The following ASIC2 variants were observed in gnomAD, a reference collection of about 807,000 sequenced individuals.
The protein encoded by ASIC2 is acid sensing ion channel subunit 2.
In ASIC2, 25 loss-of-function variants were observed where a neutral mutation model predicts 57.3. The observed-to-expected ratio is 0.44, with a 90% CI of 0.32 to 0.61. The LOEUF (loss-of-function observed/expected upper bound fraction) is 0.61. Among genes scored for constraint, ASIC2 ranks in the 20% least tolerant of loss-of-function variants. ASIC2 has a pLI of 0.06. For synonymous variants in ASIC2, 319 were observed against 307.5 expected (o/e 1.04, Z -0.39); for missense variants, 641 against 738.1 (o/e 0.87, Z 1.52).
intron 1 of ASIC2, among the ~76,000 whole-genome samples, chr17:33,777,423 G>T (rs1043591130): frequency 6.6e-6 from 1 of 152,200 alleles, no homozygotes; most frequent in African/African-American, 2.4e-5. Flanking sequence ...GTGTGAAGTT[G>T]CAGGGACTTC....
chr17:33,170,701 G>T lies in ASIC2; in HGVS notation c.709-58634C>A, dbSNP rs997966347. 8.5e-5 allele frequency among the ~76,000 whole-genome samples: 13 copies of T among 152,192 alleles called. No individual in the cohort carries two copies. The East Asian group carries it at 2.5e-3, about 29-fold the overall frequency. ...AGAAACCCAGCAGGACAGAGCATGA[G>T]AACTTCTTTCATCAAGGGCTTCAAA... On this transcript the variant is annotated intron_variant, in intron 1 of 9. Transcript: ENST00000225823.
At chr17:33,694,007 C>G (rs1908452705) in intron 1 of ASIC2, among the ~76,000 whole-genome samples, 3 of 152,168 alleles carry the variant, frequency 2.0e-5, no homozygotes. Flanking sequence ...TGTTTATTTC[C>G]TTTGACCATG....
chr17:33,877,568 C>T (rs1026789753), intron 1 of ASIC2, among the ~76,000 whole-genome samples: 3 of 152,184 alleles, frequency 2.0e-5, no homozygotes, highest in Non-Finnish European at 4.4e-5. Context: ...GGGAGGGGCA[C>T]CCGCCATTGC....
chr17:33,342,290 C>T (rs945179472), intron 1 of ASIC2, among the ~76,000 whole-genome samples: 16 of 151,546 alleles, frequency 1.1e-4, no homozygotes, highest in African/African-American at 3.7e-4. Flanking sequence ...TGCAAATTGG[C>T]TTTTTGTGGA....
intron 1 of ASIC2, among the ~76,000 whole-genome samples, chr17:33,760,411 G>A (rs999044619): frequency 1.3e-4 from 19 of 151,934 alleles, no homozygotes; most frequent in Middle Eastern, 3.2e-3. Flanking sequence ...ATGTTTTGCT[G>A]ACTTTCAGAC....
At chr17:33,907,534 T>C (rs1014233536) in intron 1 of ASIC2, among the ~76,000 whole-genome samples, 23 of 152,152 alleles carry the variant, frequency 1.5e-4, no homozygotes, top group African/African-American at 5.5e-4. Flanking sequence ...CCATTACTCA[T>C]TCTCCCTTTG....
chr17:33,292,554 G>C lies in ASIC2; in HGVS notation c.-439C>G, dbSNP rs1905537460. On this transcript the variant is annotated 5_prime_UTR_variant, in exon 1 of 10. Transcript: ENST00000225823. Reference sequence around the variant, plus strand: ...CCGCCTAACCCCAGCTTTTACGCTGGTCCTGGGAGAAGGGCCACTCGGCCA... The same window carrying C: ...CCGCCTAACCCCAGCTTTTACGCTGCTCCTGGGAGAAGGGCCACTCGGCCA... 3.3e-5 allele frequency: 33 copies of C among 985,814 alleles called. No individual in the cohort carries two copies. The highest frequency in any genetic ancestry group is 4.0e-5 in the Non-Finnish European group (33 of 830,292). The allele number at this position is 985,814 out of a possible 1,614,324, so 61.1% of individuals were successfully genotyped here. A position where few individuals can be genotyped will look rare whatever the true frequency, so the allele number is the denominator to read the frequency against.
chr17:33,172,959 G>T (rs1280563356), intron 1 of ASIC2, among the ~76,000 whole-genome samples: 1 of 147,850 alleles, frequency 6.8e-6, no homozygotes, highest in African/African-American at 2.4e-5. Context: ...GGCTGCTCCT[G>T]TGCCTGGCTG....
At chr17:33,615,684 C>A (rs564114095) in intron 1 of ASIC2, among the ~76,000 whole-genome samples, 3 of 152,276 alleles carry the variant, frequency 2.0e-5, no homozygotes, top group African/African-American at 7.2e-5. Context: ...CACCTATCAA[C>A]CCATCACCTA....
chr17:33,799,448 T>TC (rs1912054578), intron 1 of ASIC2, among the ~76,000 whole-genome samples: 1 of 95,316 alleles, frequency 1.0e-5, no homozygotes, highest in Admixed American at 9.8e-5. Flanking sequence ...CTTTCTTTCT[T>TC]TCTTTCTTTC....
chr17:33,587,904 C>T (rs116924647), intron 1 of ASIC2, among the ~76,000 whole-genome samples: 1,834 of 152,274 alleles, frequency 0.012, 62 homozygotes, highest in Admixed American at 0.078. Context: ...CCAGCCTTGA[C>T]CATGTAACAT....
At chr17:33,444,729 C>T (rs1911952494) in intron 1 of ASIC2, among the ~76,000 whole-genome samples, 1 of 152,120 alleles carries the variant, frequency 6.6e-6, no homozygotes, top group African/African-American at 2.4e-5. Flanking sequence ...ATACAGCCTT[C>T]ATGTCAGCCT....
intron 1 of ASIC2, among the ~76,000 whole-genome samples, chr17:33,285,376 A>G (rs1441416494): frequency 6.6e-6 from 1 of 152,246 alleles, no homozygotes; most frequent in Non-Finnish European, 1.5e-5. Context: ...TAGCACTTCA[A>G]TAACTTGTAC....
chr17:33,595,182 C>T (rs1904944594), intron 1 of ASIC2, among the ~76,000 whole-genome samples: 1 of 152,142 alleles, frequency 6.6e-6, no homozygotes, highest in Non-Finnish European at 1.5e-5. Flanking sequence ...GCCATGATGG[C>T]ACCATTGCCC....
At chr17:34,007,587 A>G (rs1197947852) in intron 1 of ASIC2, among the ~76,000 whole-genome samples, 1 of 152,160 alleles carries the variant, frequency 6.6e-6, no homozygotes. Context: ...AGGGCAAATG[A>G]CTTGCCTGAT....
rs187487673 is a variant in ASIC2, at chr17:33,726,129, G to A, written c.555+429849C>T. Among the ~76,000 whole-genome samples, 282 of 152,272 alleles carry A rather than the reference G, an allele frequency of 1.9e-3. 1 individual carries two copies. The highest frequency in any genetic ancestry group is 6.5e-3 in the African/African-American group (269 of 41,536). ...TCACGGCTTTCCATTTGAATTTTGT[G>A]CTCTTTGGGACCCTAGGCTACCATG... On this transcript the variant is annotated intron_variant, in intron 1 of 9. Coordinates refer to the ASIC2 transcript ENST00000359872.
chr17:34,046,572 A>G (rs1290442985), intron 1 of ASIC2, among the ~76,000 whole-genome samples: 1 of 152,154 alleles, frequency 6.6e-6, no homozygotes, highest in Non-Finnish European at 1.5e-5. Flanking sequence ...AGGAGGTAAG[A>G]TTTTTATCCA....
At chr17:33,797,265 C>T (rs1393350915) in intron 1 of ASIC2, among the ~76,000 whole-genome samples, 2 of 152,110 alleles carry the variant, frequency 1.3e-5, no homozygotes, top group Non-Finnish European at 2.9e-5. Flanking sequence ...TAGGAGTGGA[C>T]CCTCCAGGCA....
intron 1 of ASIC2, among the ~76,000 whole-genome samples, chr17:33,283,878 G>T (rs1905053439): frequency 6.6e-6 from 1 of 152,176 alleles, no homozygotes; most frequent in African/African-American, 2.4e-5. Flanking sequence ...GCTGCACCAA[G>T]ATCTTTTTGT....
Sources: gnomAD v4.1 joint callset for allele counts (sites outside exome capture counted in the v4.1 genomes callset) on GRCh38, gnomAD v4.1.1 for gene constraint, MANE v1.5 for transcripts, NCBI Gene and HGNC (gene_info 2026-07-23, HGNC 2026-07-21) for gene names.